Variants in SCAPER observed in about 807,000 individuals in gnomAD.
SCAPER encodes S phase cyclin A-associated protein in the endoplasmic reticulum.
SCAPER carries 98 observed loss-of-function variants against 182.2 expected under a neutral mutation model. The ratio of observed to expected loss-of-function variants is 0.54; its 90% CI spans 0.46 to 0.64. SCAPER has a LOEUF of 0.64. SCAPER is among the 30% of genes least tolerant of loss of function. The pLI is 0.00. For missense variants in SCAPER, 1,432 were observed against 1,690.0 expected (o/e 0.85, Z 2.68); for synonymous variants, 605 against 564.6 (o/e 1.07, Z -1.01).
At position 76,354,174 on chromosome 15, in the gene SCAPER, A is replaced by C. The variant is rs770461586; in HGVS notation, c.3856-34T>G. 5 of 1,583,020 alleles carry C rather than the reference A, an allele frequency of 3.2e-6. No homozygotes were observed. The South Asian group carries it at 5.8e-5, about 18-fold the overall frequency. Reference sequence around the variant, plus strand: ...GAAGAGCAGCCCAGGTCAGCTGCCGAAACGCCCCAGCCTGTCCCTCACCCA... The same window carrying C: ...GAAGAGCAGCCCAGGTCAGCTGCCGCAACGCCCCAGCCTGTCCCTCACCCA... On this transcript the variant is annotated intron_variant, in intron 29 of 31. Transcript: ENST00000563290. The surrounding 1 kb of genome is among the most constrained non-coding windows in gnomAD (Gnocchi z 4.4).
At position 76,886,024 on chromosome 15, in the gene SCAPER, T is replaced by C. The variant is rs537341430; in HGVS notation, c.-59-2148A>G. Among the ~76,000 whole-genome samples, 19 of 152,336 alleles carry C rather than the reference T, an allele frequency of 1.2e-4. No homozygotes were observed. In the East Asian group the frequency reaches 3.5e-3, roughly 28 times the overall value. On this transcript the variant is annotated intron_variant, in intron 1 of 31. Coordinates refer to ENST00000563290, the MANE Select transcript of SCAPER (RefSeq NM_020843.4). ...ATTGGGTAGATACCCAGTAGTGGGA[T>C]TGTTGGATCAAATGGTAATTCTACT...
chr15:76,684,675 A>G (rs2057925527), intron 20 of SCAPER, among the ~76,000 whole-genome samples: 1 of 151,970 alleles, frequency 6.6e-6, no homozygotes, highest in Non-Finnish European at 1.5e-5. Context: ...TTAAAACAGT[A>G]TAAAAATAAA....
chr15:76,684,907 T>C (rs2057941188), intron 20 of SCAPER, among the ~76,000 whole-genome samples: 1 of 152,018 alleles, frequency 6.6e-6, no homozygotes, highest in South Asian at 2.1e-4. Flanking sequence ...TCCTAACTTA[T>C]TGTATGAGAA....
intron 15 of SCAPER, among the ~76,000 whole-genome samples, chr15:76,742,443 A>C (rs560341005): frequency 5.7e-4 from 82 of 143,124 alleles, no homozygotes; most frequent in African/African-American, 2.0e-3. Flanking sequence ...CAGCACAAGG[A>C]ATAAGAAACA....
chr15:76,464,284 TTA>T (rs1434819596), intron 25 of SCAPER, among the ~76,000 whole-genome samples: 2 of 152,140 alleles, frequency 1.3e-5, no homozygotes, highest in Non-Finnish European at 2.9e-5. Context: ...TGTAATTGGC[TTA>T]TTTCACTTAT....
At chr15:76,863,766 G>A (rs1250744312) in intron 2 of SCAPER, among the ~76,000 whole-genome samples, 2 of 152,036 alleles carry the variant, frequency 1.3e-5, no homozygotes, top group Admixed American at 6.5e-5. Flanking sequence ...AATAAAATGC[G>A]GCAGAAGGGA....
Position 76,376,314 on chromosome 15 carries a change from G to C in SCAPER, c.3706-3C>G, listed in dbSNP as rs1359784347. Reference sequence around the variant, plus strand: ...AAGCCCTCTGCCCCTACAATAGACTGACAAAGACAAGGAGCAGTTAGAAGC... The same window carrying C: ...AAGCCCTCTGCCCCTACAATAGACTCACAAAGACAAGGAGCAGTTAGAAGC... On this transcript the variant is annotated splice_region_variant and splice_polypyrimidine_tract_variant and intron_variant, in intron 28 of 31. Transcript: ENST00000563290. 6.2e-7 allele frequency: 1 copy of C among 1,609,010 alleles called. No homozygotes were observed. The highest frequency in any genetic ancestry group is 1.1e-5 in the South Asian group (1 of 90,280).
intron 23 of SCAPER, among the ~76,000 whole-genome samples, chr15:76,533,518 T>C (rs2043858337): frequency 6.6e-6 from 1 of 152,144 alleles, no homozygotes; most frequent in African/African-American, 2.4e-5. Context: ...AAGCAGGCTA[T>C]ACCATCAAGG....
chr15:76,881,425 A>G (rs2073531945), intron 2 of SCAPER, among the ~76,000 whole-genome samples: 1 of 152,196 alleles, frequency 6.6e-6, no homozygotes, highest in Non-Finnish European at 1.5e-5. Context: ...ATATCTGTAC[A>G]CCCATGTTCA....
At chr15:76,691,719 C>T (rs938407522) in intron 20 of SCAPER, among the ~76,000 whole-genome samples, 3 of 152,062 alleles carry the variant, frequency 2.0e-5, no homozygotes, top group Non-Finnish European at 4.4e-5. Flanking sequence ...CTCACTAACC[C>T]AAATGATGGG....
chr15:76,608,247 C>G (rs1171798621), intron 22 of SCAPER, among the ~76,000 whole-genome samples: 1 of 152,228 alleles, frequency 6.6e-6, no homozygotes, highest in African/African-American at 2.4e-5. Flanking sequence ...ACAGGACCCT[C>G]AGCTGCAGGT....
At chr15:76,856,622 G>A (rs948479700) in intron 4 of SCAPER, among the ~76,000 whole-genome samples, 15 of 151,662 alleles carry the variant, frequency 9.9e-5, no homozygotes, top group Admixed American at 8.5e-4. Context: ...ATGACATCAC[G>A]ATTAGAAGCC....
At chr15:76,824,025 T>C (rs1360095434) in intron 5 of SCAPER, among the ~76,000 whole-genome samples, 2 of 152,202 alleles carry the variant, frequency 1.3e-5, no homozygotes, top group Non-Finnish European at 2.9e-5. Flanking sequence ...AAGGAATGTT[T>C]AACTCAATGT....
chr15:76,651,408 T>C (rs1307265437), intron 21 of SCAPER, among the ~76,000 whole-genome samples: 3 of 151,948 alleles, frequency 2.0e-5, no homozygotes, highest in African/African-American at 7.3e-5. Context: ...GATTGAATTA[T>C]TTTTCTTTCC....
intron 5 of SCAPER, among the ~76,000 whole-genome samples, chr15:76,835,868 T>C: frequency 6.7e-6 from 1 of 149,768 alleles, no homozygotes; most frequent in Non-Finnish European, 1.5e-5. Flanking sequence ...CAGTAGCATT[T>C]CTATACACCA....
chr15:76,881,243 A>G (rs1338431723), intron 2 of SCAPER, among the ~76,000 whole-genome samples: 1 of 152,166 alleles, frequency 6.6e-6, no homozygotes, highest in Non-Finnish European at 1.5e-5. Context: ...CTAAAGGTGC[A>G]TATCACCATG....
At chr15:76,746,499 A>G (rs2061800729) in intron 15 of SCAPER, among the ~76,000 whole-genome samples, 1 of 152,266 alleles carries the variant, frequency 6.6e-6, no homozygotes, top group Non-Finnish European at 1.5e-5. Context: ...CTTCTATTCA[A>G]CAATATACTA....
At chr15:76,896,920 T>C (rs755498747) in intron 1 of SCAPER, among the ~76,000 whole-genome samples, 2 of 152,196 alleles carry the variant, frequency 1.3e-5, no homozygotes, top group Non-Finnish European at 2.9e-5. Context: ...CACTCCAGCC[T>C]GGGTGACAGA....
intron 15 of SCAPER, among the ~76,000 whole-genome samples, chr15:76,748,566 G>A (rs1009657173): frequency 3.4e-5 from 5 of 149,030 alleles, no homozygotes; most frequent in Non-Finnish European, 7.4e-5. Context: ...AAGGCAACTT[G>A]CAAAATTAAA....
Sources: allele counts gnomAD v4.1 joint callset (sites outside exome capture counted in the v4.1 genomes callset), GRCh38; gene constraint gnomAD v4.1.1; non-coding constraint Gnocchi (gnomAD v3.1); transcripts MANE v1.5; gene names NCBI Gene and HGNC (gene_info 2026-07-23, HGNC 2026-07-21).